Variants in LYN observed in about 807,000 individuals in gnomAD.
LYN encodes LYN proto-oncogene, Src family tyrosine kinase.
In LYN, 12 loss-of-function variants were observed where a neutral mutation model predicts 65.0. The ratio of observed to expected loss-of-function variants is 0.18; its 90% CI spans 0.12 to 0.30. LYN has a LOEUF of 0.30. LYN is among the 10% of genes least tolerant of loss of function. The probability of loss-of-function intolerance (pLI) is 1.00; values close to 1 mark genes in which losing one functional copy is unlikely to be tolerated. For missense variants in LYN, 380 were observed against 623.2 expected, an observed-to-expected ratio of 0.61 and a Z score of 4.16; for synonymous variants, 222 against 221.2, an observed-to-expected ratio of 1.00 and a Z score of -0.03.
At chr8:55,892,112 CAAGACCTTTTAGAAAAGGTTGCATT>C (rs1386878552) in intron 1 of LYN, among the ~76,000 whole-genome samples, 2 of 152,252 alleles carry the variant, frequency 1.3e-5, no homozygotes, top group Non-Finnish European at 2.9e-5. Context: ...GAGATTCTTA[CAAGACCTTTTAGAAAAGGTTGCATT>C]AAGGCCAGGG....
At position 55,971,421 on chromosome 8, in the gene LYN, G is replaced by A. The variant is rs751914501; in HGVS notation, c.1050+1628G>A. Reference sequence around the variant, plus strand: ...TGATAAACTTGGGCCATACTTACACGGATCAATGAGGCCCTCTACTCAGGT... The same window carrying A: ...TGATAAACTTGGGCCATACTTACACAGATCAATGAGGCCCTCTACTCAGGT... On this transcript the variant is annotated intron_variant, in intron 10 of 12. Coordinates refer to ENST00000519728, the MANE Select transcript of LYN (RefSeq NM_002350.4). Among the ~76,000 whole-genome samples, 5 of 152,236 alleles carry A rather than the reference G, an allele frequency of 3.3e-5. No individual in the cohort carries two copies. The East Asian group carries it at 9.6e-4, about 29-fold the overall frequency.
At chr8:55,972,077 G>A (rs1271499001) in intron 10 of LYN, among the ~76,000 whole-genome samples, 2 of 152,176 alleles carry the variant, frequency 1.3e-5, no homozygotes, top group South Asian at 2.1e-4. Flanking sequence ...CCCGTGCCAG[G>A]TGAACTCATG....
chr8:55,964,427 A>G (rs1232532860), intron 8 of LYN, among the ~76,000 whole-genome samples: 1 of 152,230 alleles, frequency 6.6e-6, no homozygotes, highest in African/African-American at 2.4e-5. Context: ...AAACATTTTA[A>G]TAGAGGAATC....
chr8:56,006,994 AG>A (rs1803252659), intron 12 of LYN, among the ~76,000 whole-genome samples: 1 of 152,206 alleles, frequency 6.6e-6, no homozygotes, highest in African/African-American at 2.4e-5. Context: ...TTCCCCAAAC[AG>A]GGTGGAGCAT....
intron 7 of LYN, among the ~76,000 whole-genome samples, chr8:55,952,492 G>A (rs1239324731): frequency 6.6e-6 from 1 of 152,134 alleles, no homozygotes; most frequent in Non-Finnish European, 1.5e-5. Flanking sequence ...CACAGGAGGC[G>A]GAGATTGCAG....
intron 10 of LYN, among the ~76,000 whole-genome samples, chr8:55,974,536 GAGAAAACA>G (rs1230805740): frequency 6.6e-6 from 1 of 152,158 alleles, no homozygotes; most frequent in Non-Finnish European, 1.5e-5. Context: ...GCTACTGAGT[GAGAAAACA>G]GTGTATAGAT....
intron 10 of LYN, among the ~76,000 whole-genome samples, chr8:55,983,623 A>G (rs940744582): frequency 3.6e-5 from 5 of 137,532 alleles, no homozygotes. Flanking sequence ...AAGGGCACCC[A>G]TCTCTCAGCA....
intron 1 of LYN, among the ~76,000 whole-genome samples, chr8:55,913,373 C>G (rs1315336036): frequency 6.6e-6 from 1 of 152,186 alleles, no homozygotes; most frequent in Admixed American, 6.6e-5. Flanking sequence ...CCACAGCCTC[C>G]TTGTAAAGTC....
chr8:55,884,049 T>A (rs1448300468), intron 1 of LYN, among the ~76,000 whole-genome samples: 3 of 152,328 alleles, frequency 2.0e-5, no homozygotes, highest in Non-Finnish European at 4.4e-5. Flanking sequence ...GGATTAGAAA[T>A]TTTGTCAGTT....
chr8:55,968,879 C>T (rs1223099969), intron 9 of LYN, among the ~76,000 whole-genome samples: 1 of 152,220 alleles, frequency 6.6e-6, no homozygotes, highest in Non-Finnish European at 1.5e-5. Context: ...AGGGGAAAAA[C>T]AGGTCTTGCT....
chr8:55,962,408 G>A (rs1339745003), intron 8 of LYN, among the ~76,000 whole-genome samples: 2 of 152,002 alleles, frequency 1.3e-5, no homozygotes, highest in South Asian at 2.1e-4. Context: ...TATGATGTTG[G>A]TGAGATGCAT....
rs894394102 is a variant in LYN at position 56,014,145 on chromosome 8, T to C, written c.*4035T>C. ...TTGGCTTCGCTTCATATTGTTTCCT[T>C]GTGAAATAAAACCAGTGAAACACCT... On this transcript the variant is annotated 3_prime_UTR_variant, in exon 13 of 13. Coordinates refer to ENST00000519728, the MANE Select transcript of LYN (RefSeq NM_002350.4). 2.0e-5 allele frequency: 3 copies of C among 152,226 alleles called. No individual in the cohort carries two copies. The highest frequency in any genetic ancestry group is 4.4e-5 in the Non-Finnish European group (3 of 68,040). 9.4% of individuals were successfully genotyped at this position (152,226 alleles called of 1,614,324 possible).
chr8:55,963,166 G>A (rs773690890), intron 8 of LYN, among the ~76,000 whole-genome samples: 1 of 152,230 alleles, frequency 6.6e-6, no homozygotes, highest in Admixed American at 6.5e-5. Flanking sequence ...TGAACAATGC[G>A]CTGCACATTT....
chr8:55,934,096 A>G (rs1390857501), intron 1 of LYN, among the ~76,000 whole-genome samples: 2 of 152,040 alleles, frequency 1.3e-5, no homozygotes, highest in Admixed American at 6.6e-5. Flanking sequence ...CATGGTGGCG[A>G]GCGCCTGTAG....
At chr8:55,885,961 G>A (rs1804780478) in intron 1 of LYN, among the ~76,000 whole-genome samples, 1 of 151,884 alleles carries the variant, frequency 6.6e-6, no homozygotes, top group African/African-American at 2.4e-5. Context: ...GAGGGGTGGG[G>A]CGGGGTGGGA....
chr8:56,011,477 A>C lies in LYN; in HGVS notation c.*1367A>C, dbSNP rs1170777145. On this transcript the variant is annotated 3_prime_UTR_variant, in exon 13 of 13. Transcript: ENST00000519728. ...GGGGTGGTTAGAAGTGATTCAACAG[A>C]GCTACATGCTTTAAACTTGCCCAAG... 1 of 202,172 alleles carries C rather than the reference A, an allele frequency of 4.9e-6. No homozygotes were observed. The highest frequency in any genetic ancestry group is 6.0e-5 in the Admixed American group (1 of 16,746). The allele number at this position is 202,172 out of a possible 1,614,324, so 12.5% of individuals were successfully genotyped here.
chr8:55,912,441 C>A (rs919985644), intron 1 of LYN, among the ~76,000 whole-genome samples: 19 of 152,234 alleles, frequency 1.2e-4, no homozygotes, highest in African/African-American at 4.1e-4. Flanking sequence ...ATAAGAAATT[C>A]TTGGCTGGGC....
At chr8:55,907,339 A>AT (rs1805456188) in intron 1 of LYN, among the ~76,000 whole-genome samples, 1 of 152,172 alleles carries the variant, frequency 6.6e-6, no homozygotes, top group Non-Finnish European at 1.5e-5. Flanking sequence ...GATAAACATT[A>AT]TTTTCAATAA....
At chr8:55,977,942 A>G (rs905910784) in intron 10 of LYN, among the ~76,000 whole-genome samples, 3 of 151,964 alleles carry the variant, frequency 2.0e-5, no homozygotes, top group African/African-American at 4.8e-5. Flanking sequence ...ACAAAAGCAA[A>G]CAGAGCTCGT....
Sources: gnomAD v4.1 joint callset for allele counts (sites outside exome capture counted in the v4.1 genomes callset) on GRCh38, gnomAD v4.1.1 for gene constraint, MANE v1.5 for transcripts, NCBI Gene and HGNC (gene_info 2026-07-23, HGNC 2026-07-21) for gene names.